The following TMED7 variants were observed in gnomAD, a reference collection of about 807,000 sequenced individuals.
The protein encoded by TMED7 is transmembrane p24 trafficking protein 7, also known as transmembrane emp24 domain-containing protein 7.
A neutral mutation model predicts 23.4 loss-of-function variants in TMED7; 8 were observed. That is an observed-to-expected ratio of 0.34 (90% CI 0.20 to 0.62). TMED7 has a LOEUF of 0.62. TMED7 is among the 20% of genes least tolerant of loss of function. The pLI, the probability that TMED7 is intolerant of heterozygous loss-of-function variation, is 0.77. For synonymous variants in TMED7, 121 were observed against 108.5 expected (o/e 1.12, Z -0.72); for missense variants, 232 against 279.1 (o/e 0.83, Z 1.20).
At position 115,625,981 on chromosome 5, in the gene TMED7, A is replaced by T; in HGVS notation, c.-189T>A. 1 of 744,110 alleles carries T rather than the reference A, an allele frequency of 1.3e-6. No homozygotes were observed. The highest frequency in any genetic ancestry group is 1.9e-6 in the Non-Finnish European group (1 of 536,380). 46.1% of individuals were successfully genotyped at this position (744,110 alleles called of 1,614,324 possible). On this transcript the variant is annotated 5_prime_UTR_variant, in exon 1 of 3. Coordinates refer to ENST00000456936, the MANE Select transcript of TMED7 (RefSeq NM_181836.6). ...TCCTGTGAGGGGCGCAGACGGGCGG[A>T]CCTGGGGAGGTAAAAGAGAAGCGGA...
chr5:115,613,835 T>C lies in TMED7; in HGVS notation c.*2374A>G, dbSNP rs1319399217. ...TTTGTTTATTTAATAGAAAAAAGAA[T>C]GTGTAGATTATTAGCAAAGTAATGC... On this transcript the variant is annotated 3_prime_UTR_variant, in exon 3 of 3. Coordinates refer to ENST00000456936, the MANE Select transcript of TMED7 (RefSeq NM_181836.6). 6.6e-6 allele frequency: 1 copy of C among 152,606 alleles called. No homozygotes were observed. Among genetic ancestry groups the C allele is most frequent in the Admixed American group, 6.5e-5 (1 of 15,276 alleles). The allele number at this position is 152,606 out of a possible 1,614,324, so 9.5% of individuals were successfully genotyped here.
At chr5:115,619,825 T>C (rs532925099) in intron 2 of TMED7, among the ~76,000 whole-genome samples, 1 of 152,156 alleles carries the variant, frequency 6.6e-6, no homozygotes, top group Admixed American at 6.5e-5. Context: ...ACAGTCCTCA[T>C]CACCTAAGCA....
chr5:115,620,424 T>C lies in TMED7; in HGVS notation c.438+11A>G. On this transcript the variant is annotated intron_variant, in intron 2 of 2. Transcript: ENST00000456936. ...ATATACCAACATTATATTGCTGATTTTTTTATTTACCTGGGTAAGAGCACT... is the reference window on the plus strand; with the variant it reads ...ATATACCAACATTATATTGCTGATTCTTTTATTTACCTGGGTAAGAGCACT... 6.8e-7 allele frequency: 1 copy of C among 1,480,850 alleles called. No homozygotes were observed. The highest frequency in any genetic ancestry group is 8.9e-7 in the Non-Finnish European group (1 of 1,117,376). The allele number at this position is 1,480,850 out of a possible 1,614,324, so 91.7% of individuals were successfully genotyped here. A position where few individuals can be genotyped will look rare whatever the true frequency, so the allele number is the denominator to read the frequency against.
At chr5:115,620,367 G>A in intron 2 of TMED7, 68 bp downstream of exon 2, 2 of 1,419,360 alleles carry the variant, frequency 1.4e-6, no homozygotes, top group Non-Finnish European at 1.8e-6. Flanking sequence ...GTTAGTGCAT[G>A]ATATTAAATT....
intron 1 of TMED7, among the ~76,000 whole-genome samples, chr5:115,623,626 G>T (rs76201878): frequency 0.019 from 2,888 of 152,218 alleles, 45 homozygotes; most frequent in South Asian, 0.039. Context: ...ATATAGCTCA[G>T]GCTAATTTCA....
At position 115,625,975 on chromosome 5, in the gene TMED7, G is replaced by T. The variant is rs748215915; in HGVS notation, c.-183C>A. 1 of 779,258 alleles carries T rather than the reference G, an allele frequency of 1.3e-6. No individual in the cohort carries two copies. Among genetic ancestry groups the T allele is most frequent in the Non-Finnish European group, 1.8e-6 (1 of 566,460 alleles). 48.3% of individuals were successfully genotyped at this position (779,258 alleles called of 1,614,324 possible). A position where few individuals can be genotyped will look rare whatever the true frequency, so the allele number is the denominator to read the frequency against. On this transcript the variant is annotated 5_prime_UTR_variant, in exon 1 of 3. Transcript: ENST00000456936. Reference sequence around the variant, plus strand: ...CCGGCTTCCTGTGAGGGGCGCAGACGGGCGGACCTGGGGAGGTAAAAGAGA... The same window carrying T: ...CCGGCTTCCTGTGAGGGGCGCAGACTGGCGGACCTGGGGAGGTAAAAGAGA...
rs1229014474 is a variant in TMED7 at position 115,616,424 on chromosome 5, T to C, written c.460A>G (p.Ile154Val). 3.1e-6 allele frequency: 5 copies of C among 1,614,154 alleles called. No individual in the cohort carries two copies. Among genetic ancestry groups the C allele is most frequent in the Admixed American group, 3.3e-5 (2 of 60,030 alleles). ...ATGACAGACTTCAGAGCTTCGTGAATTGAAACACAGGCAGATTCCATCTGC... is the reference window on the plus strand; with the variant it reads ...ATGACAGACTTCAGAGCTTCGTGAACTGAAACACAGGCAGATTCCATCTGC... ...LTQMESACVS[I>V]HEALKSVIDY... The change falls in exon 3 of 3, where the codon ATT (isoleucine) becomes GTT (valine). Residue 154 changes from isoleucine (I) to valine (V), a missense_variant. Ile to Val is a conservative substitution (Grantham distance 29). This residue lies in a region of TMED7 where 126 missense variants were observed against 182.1 expected (regional missense o/e 0.69). Coordinates refer to ENST00000456936, the MANE Select transcript of TMED7 (RefSeq NM_181836.6).
chr5:115,618,335 A>T (rs959528180), intron 2 of TMED7, among the ~76,000 whole-genome samples: 2 of 152,258 alleles, frequency 1.3e-5, no homozygotes, highest in Non-Finnish European at 2.9e-5. Flanking sequence ...CAATAGTATT[A>T]TAACACATGA....
At position 115,625,775 on chromosome 5, in the gene TMED7, G is replaced by T. The variant is rs1007264600; in HGVS notation, c.18C>A (p.Ser6=). MPRPG[S]AQRWAAVAGR... is the part of the protein sequence containing the mutation. ...CCGCGACGGCCGCCCAGCGCTGCGC[G>T]GACCCCGGCCGCGGCATCCCGAGAA... is the stretch of plus-strand genomic sequence containing the variant. Residue 6 remains serine, a synonymous_variant, in exon 1 of 3, where the codon TCC becomes TCA. Transcript: ENST00000456936. The T allele has an allele frequency of 8.2e-6, 12 of 1,458,374 alleles. No individual in the cohort carries two copies. In the Admixed American group the frequency reaches 9.1e-5, roughly 11 times the overall value. 90.3% of individuals were successfully genotyped at this position (1,458,374 alleles called of 1,614,324 possible).
At position 115,616,155 on chromosome 5, in the gene TMED7, A is replaced by G; in HGVS notation, c.*54T>C. On this transcript the variant is annotated 3_prime_UTR_variant, in exon 3 of 3. Coordinates refer to ENST00000456936, the MANE Select transcript of TMED7 (RefSeq NM_181836.6). ...TTAAGTTCTTCAGTACCTAAAATTAATTAGAGGACAGCAATATTACAGTGG... is the reference window on the plus strand; with the variant it reads ...TTAAGTTCTTCAGTACCTAAAATTAGTTAGAGGACAGCAATATTACAGTGG... 3 of 1,542,090 alleles carry G rather than the reference A, an allele frequency of 1.9e-6. No individual in the cohort carries two copies. Among genetic ancestry groups the G allele is most frequent in the Non-Finnish European group, 2.7e-6 (3 of 1,119,084 alleles).
chr5:115,620,438 G>C lies in TMED7; in HGVS notation c.435C>G (p.Thr145=). Residue 145 remains threonine, a synonymous_variant, in exon 2 of 3, where the codon ACC becomes ACG. Coordinates refer to ENST00000456936, the MANE Select transcript of TMED7 (RefSeq NM_181836.6). ...FPSENRVSAL[T]QMESACVSIH... is the part of the protein sequence containing the mutation. ...TATTGCTGATTTTTTTATTTACCTG[G>C]GTAAGAGCACTGACTCGGTTCTCAC... is the stretch of plus-strand genomic sequence containing the variant. 3 of 1,502,574 alleles carry C rather than the reference G, an allele frequency of 2.0e-6. No homozygotes were observed. The highest frequency in any genetic ancestry group is 2.7e-6 in the Non-Finnish European group (3 of 1,128,278). 93.1% of individuals were successfully genotyped at this position (1,502,574 alleles called of 1,614,324 possible). A position where few individuals can be genotyped will look rare whatever the true frequency, so the allele number is the denominator to read the frequency against.
rs1192701904 is a variant in TMED7, at chr5:115,615,089, A to C, written c.*1120T>G. ...AAACCCTATAGTCTACAGAATATGCACTATTTAATACTCATTAACTAAAGA... is the reference window on the plus strand; with the variant it reads ...AAACCCTATAGTCTACAGAATATGCCCTATTTAATACTCATTAACTAAAGA... On this transcript the variant is annotated 3_prime_UTR_variant, in exon 3 of 3. Transcript: ENST00000456936. The C allele has an allele frequency of 2.0e-5, 3 of 152,188 alleles. No individual in the cohort carries two copies. Among genetic ancestry groups the C allele is most frequent in the African/African-American group, 7.2e-5 (3 of 41,458 alleles). 9.4% of individuals were successfully genotyped at this position (152,188 alleles called of 1,614,324 possible). A position where few individuals can be genotyped will look rare whatever the true frequency, so the allele number is the denominator to read the frequency against.
In TMED7 at chr5:115,615,646, A is replaced by G. The variant is rs1756696473; in HGVS notation, c.*563T>C. On this transcript the variant is annotated 3_prime_UTR_variant, in exon 3 of 3. Transcript: ENST00000456936. ...GGTTTAAATTATAAACCCCAAAAAC[A>G]AAAGTCTGACATTTTCTAAGCTAGT... 6.5e-6 allele frequency: 1 copy of G among 153,280 alleles called. No homozygotes were observed. Among genetic ancestry groups the G allele is most frequent in the Admixed American group, 6.5e-5 (1 of 15,390 alleles). The allele number at this position is 153,280 out of a possible 1,614,324, so 9.5% of individuals were successfully genotyped here. A position where few individuals can be genotyped will look rare whatever the true frequency, so the allele number is the denominator to read the frequency against.
chr5:115,618,558 T>C (rs1034274264), intron 2 of TMED7, among the ~76,000 whole-genome samples: 4 of 152,248 alleles, frequency 2.6e-5, no homozygotes, highest in Non-Finnish European at 5.9e-5. Flanking sequence ...CTGGATTTTG[T>C]TGATTGCATT....
intron 2 of TMED7, 24 bp from the exon 3 acceptor site, chr5:115,616,469 G>T: frequency 6.2e-7 from 1 of 1,613,902 alleles, no homozygotes; most frequent in Non-Finnish European, 8.5e-7. Flanking sequence ...TTTTCAGTCA[G>T]TATGTGTGAT....
chr5:115,617,638 A>T (rs1756829800), intron 2 of TMED7, among the ~76,000 whole-genome samples: 2 of 152,228 alleles, frequency 1.3e-5, no homozygotes, highest in Non-Finnish European at 2.9e-5. Flanking sequence ...CATATTGCCC[A>T]AGGATTCTTC....
At chr5:115,624,618 C>T (rs922025257) in intron 1 of TMED7, among the ~76,000 whole-genome samples, 2 of 152,208 alleles carry the variant, frequency 1.3e-5, no homozygotes, top group Non-Finnish European at 2.9e-5. Flanking sequence ...AAGACACTAT[C>T]TGGCCTGCCC....
At chr5:115,621,882 A>T (rs1310478363) in intron 1 of TMED7, among the ~76,000 whole-genome samples, 1 of 152,096 alleles carries the variant, frequency 6.6e-6, no homozygotes, top group Non-Finnish European at 1.5e-5. Flanking sequence ...TCTAGGTCAA[A>T]CTTTGGATTT....
chr5:115,625,250 T>C (rs1757159625), intron 1 of TMED7, among the ~76,000 whole-genome samples: 2 of 152,122 alleles, frequency 1.3e-5, no homozygotes, highest in Admixed American at 6.5e-5. Context: ...TCCAATTAAA[T>C]TGGAGGTGTG....
Sources: allele counts gnomAD v4.1 joint callset (sites outside exome capture counted in the v4.1 genomes callset), GRCh38; gene constraint gnomAD v4.1.1; regional missense constraint gnomAD v4.1.1; transcripts MANE v1.5; gene names NCBI Gene and HGNC (gene_info 2026-07-23, HGNC 2026-07-21).